The following RGS20 variants were observed in gnomAD, a reference collection of about 807,000 sequenced individuals.
RGS20 encodes the protein regulator of G protein signaling 20, also known as gz-selective GTPase-activating protein.
In RGS20, 30 loss-of-function variants were observed where a neutral mutation model predicts 33.6. That is an observed-to-expected ratio of 0.89 (90% CI 0.67 to 1.21). The LOEUF is 1.21. Among genes scored for constraint, RGS20 ranks in the 50% most tolerant of loss-of-function variants. RGS20 has a pLI of 0.00. For synonymous variants in RGS20, 208 were observed against 197.9 expected (o/e 1.05, Z -0.43); for missense variants, 472 against 502.4 (o/e 0.94, Z 0.58).
chr8:53,883,655 G>A (rs1049460987), intron 2 of RGS20, among the ~76,000 whole-genome samples: 1 of 151,962 alleles, frequency 6.6e-6, no homozygotes, highest in African/African-American at 2.4e-5. Flanking sequence ...CACCTACCTC[G>A]GCAGCTCAGC....
intron 2 of RGS20, among the ~76,000 whole-genome samples, chr8:53,923,717 C>G (rs958522927): frequency 6.6e-6 from 1 of 152,190 alleles, no homozygotes; most frequent in Non-Finnish European, 1.5e-5. Flanking sequence ...AACCAAACTG[C>G]AGATGATGCG....
rs35068824 is a variant in RGS20, at chr8:53,897,921, G to A, written c.510+18319G>A. On this transcript the variant is annotated intron_variant, in intron 2 of 5. Coordinates refer to ENST00000297313, the MANE Select transcript of RGS20 (RefSeq NM_170587.4). ...TAGGTCAGTCCAAATTATACAGAGC[G>A]GCTGATAGGTCCAAGGCATGTGGGG... is the stretch of plus-strand genomic sequence containing the variant. Among the ~76,000 whole-genome samples, 1,202 of 152,290 alleles carry A rather than the reference G, an allele frequency of 7.9e-3. 8 individuals carry two copies. Among genetic ancestry groups the A allele is most frequent in the Non-Finnish European group, 0.012 (838 of 68,024 alleles).
In RGS20 at chr8:53,879,352, C is replaced by T. The variant is rs1812284258; in HGVS notation, c.260C>T (p.Ser87Phe). Residue 87 changes from serine to phenylalanine, a missense_variant, in exon 2 of 6, where the codon TCT (serine) becomes TTT (phenylalanine). Physicochemically the swap from Ser to Phe is radical, Grantham distance 155. Transcript: ENST00000297313. Reference sequence around the variant, plus strand: ...CTTTCCAGCCTCGCAAGGTTCTTCTCTCACCTTCTCCGGCGACCCCCTCCC... The same window carrying T: ...CTTTCCAGCCTCGCAAGGTTCTTCTTTCACCTTCTCCGGCGACCCCCTCCC... 6.2e-7 allele frequency: 1 copy of T among 1,612,126 alleles called. No homozygotes were observed. Among genetic ancestry groups the T allele is most frequent in the Admixed American group, 1.7e-5 (1 of 59,992 alleles).
chr8:53,958,127 C>G (rs1233708153), intron 5 of RGS20, 143 bp from the exon 5 acceptor site: 1 of 579,440 alleles, frequency 1.7e-6, no homozygotes, highest in African/African-American at 1.9e-5. Flanking sequence ...CAGAGTAAGA[C>G]TCTGTCTCAA....
At chr8:53,906,327 G>C (rs371306577) in intron 2 of RGS20, among the ~76,000 whole-genome samples, 2 of 151,824 alleles carry the variant, frequency 1.3e-5, no homozygotes, top group Admixed American at 1.3e-4. Flanking sequence ...AGTGAGCCGA[G>C]ACAGCACCCC....
At chr8:53,943,235 GT>G (rs1250203871) in intron 3 of RGS20, among the ~76,000 whole-genome samples, 1 of 151,646 alleles carries the variant, frequency 6.6e-6, no homozygotes, top group Admixed American at 6.6e-5. Context: ...GAATTTCCTT[GT>G]TTTTTTTCAC....
intron 2 of RGS20, among the ~76,000 whole-genome samples, chr8:53,890,658 C>G (rs973717135): frequency 3.3e-5 from 5 of 152,112 alleles, no homozygotes. Context: ...TTTGTTTTGA[C>G]ATGGAATCTC....
chr8:53,947,039 T>A (rs569135642), intron 4 of RGS20, among the ~76,000 whole-genome samples: 1 of 147,674 alleles, frequency 6.8e-6, no homozygotes, highest in South Asian at 2.1e-4. Flanking sequence ...TAATATACTT[T>A]TAAAAATAAA....
chr8:53,936,744 CTT>C (rs1563416446), intron 2 of RGS20, among the ~76,000 whole-genome samples: 2 of 152,154 alleles, frequency 1.3e-5, no homozygotes, highest in African/African-American at 4.8e-5. Flanking sequence ...GAAAAAACTA[CTT>C]TAAATTTCAT....
chr8:53,882,643 CAAAA>C (rs34390232), intron 2 of RGS20, among the ~76,000 whole-genome samples: 1 of 103,438 alleles, frequency 9.7e-6, no homozygotes. Context: ...GACTCCGTCT[CAAAA>C]AAAAAAAAAA....
intron 3 of RGS20, among the ~76,000 whole-genome samples, chr8:53,944,285 A>T (rs1386775008): frequency 6.6e-6 from 1 of 152,166 alleles, no homozygotes. Flanking sequence ...CACGCCTGTA[A>T]TCCCAACACT....
rs184395677 is a variant in RGS20 at position 53,947,911 on chromosome 8, T to C, written c.743+1163T>C. Reference sequence around the variant, plus strand: ...GTATATATATGCTATATATATGATATAGTATATATATTTACATATGCTATA... The same window carrying C: ...GTATATATATGCTATATATATGATACAGTATATATATTTACATATGCTATA... On this transcript the variant is annotated intron_variant, in intron 4 of 5. Coordinates refer to ENST00000297313, the MANE Select transcript of RGS20 (RefSeq NM_170587.4). Among the ~76,000 whole-genome samples the C allele has an allele frequency of 9.8e-3, 1,345 of 137,516 alleles. 11 individuals carry two copies. The highest frequency in any genetic ancestry group is 0.016 in the Non-Finnish European group (1,029 of 65,844). 90.2% of individuals were successfully genotyped at this position (137,516 alleles called of 152,430 possible).
chr8:53,863,288 T>C (rs891894678), intron 1 of RGS20, among the ~76,000 whole-genome samples: 1 of 152,136 alleles, frequency 6.6e-6, no homozygotes, highest in African/African-American at 2.4e-5. Flanking sequence ...CGCCCGGCCA[T>C]GACATTTTCA....
intron 1 of RGS20, among the ~76,000 whole-genome samples, chr8:53,868,414 G>C (rs1811968207): frequency 1.3e-5 from 2 of 152,108 alleles, no homozygotes; most frequent in Non-Finnish European, 2.9e-5. Context: ...GTGGGTCTGG[G>C]GAGCCAGTTC....
chr8:53,939,896 G>C (rs1164612501), intron 3 of RGS20, among the ~76,000 whole-genome samples, 172 bp downstream of exon 2: 2 of 152,150 alleles, frequency 1.3e-5, no homozygotes, highest in African/African-American at 4.8e-5. Flanking sequence ...ATAACAACAG[G>C]CTGCATCTGT....
At chr8:53,892,340 G>A (rs1462390781) in intron 2 of RGS20, among the ~76,000 whole-genome samples, 10 of 152,088 alleles carry the variant, frequency 6.6e-5, no homozygotes, top group African/African-American at 2.2e-4. Flanking sequence ...GAATAGTGCC[G>A]CAATAAACAT....
intron 1 of RGS20, among the ~76,000 whole-genome samples, chr8:53,871,477 C>T (rs1812064739): frequency 6.6e-6 from 1 of 152,012 alleles, no homozygotes; most frequent in Non-Finnish European, 1.5e-5. Context: ...ATTAGCTGGG[C>T]TTGGTGGCTG....
intron 2 of RGS20, among the ~76,000 whole-genome samples, chr8:53,909,511 C>G (rs971241435): frequency 1.3e-5 from 2 of 151,778 alleles, no homozygotes; most frequent in South Asian, 2.1e-4. Context: ...GCCTTGGTCT[C>G]CCAAAGTGCT....
At chr8:53,908,803 C>G (rs1813254527) in intron 2 of RGS20, among the ~76,000 whole-genome samples, 1 of 151,196 alleles carries the variant, frequency 6.6e-6, no homozygotes, top group Admixed American at 6.6e-5. Context: ...GACCCTGTCT[C>G]AAGATAAATA....
Sources: gnomAD v4.1 joint callset for allele counts (sites outside exome capture counted in the v4.1 genomes callset) on GRCh38, gnomAD v4.1.1 for gene constraint, MANE v1.5 for transcripts, NCBI Gene and HGNC (gene_info 2026-07-23, HGNC 2026-07-21) for gene names.